Variants in ZNF99 observed in about 807,000 individuals in gnomAD.
ZNF99 encodes zinc finger protein ENSP00000375192.
In ZNF99, 8 loss-of-function variants were observed where a neutral mutation model predicts 12.8. That is an observed-to-expected ratio of 0.62 (90% CI 0.37 to 1.13). ZNF99 has a LOEUF of 1.13. Among genes scored for constraint, ZNF99 ranks in the 50% most tolerant of loss-of-function variants. The pLI is 0.02. For missense variants in ZNF99, 1,007 were observed against 1,006.2 expected (o/e 1.00, Z -0.01); for synonymous variants, 318 against 319.0 (o/e 1.00, Z 0.03).
chr19:22,769,623 C>T lies in ZNF99; in HGVS notation c.4-299G>A, dbSNP rs565866580. On this transcript the variant is annotated intron_variant, in intron 1 of 3. Transcript: ENST00000596209. ...TCTACTAAAAATACAAAAAATTAGC[C>T]GGCATGGTGGTGGGTGCCTGTAGCC... Among the ~76,000 whole-genome samples the T allele has an allele frequency of 5.8e-4, 88 of 151,738 alleles. 1 individual carries two copies. Among genetic ancestry groups the T allele is most frequent in the African/African-American group, 1.8e-3 (73 of 41,384 alleles).
Position 22,759,320 on chromosome 19 carries a change from T to C in ZNF99, c.589A>G (p.Arg197Gly), listed in dbSNP as rs765546580. The C allele has an allele frequency of 5.8e-6, 9 of 1,549,114 alleles. No homozygotes were observed. In the South Asian group the frequency reaches 9.5e-5, roughly 16 times the overall value. The part of the protein sequence containing the change: ...HLIQHKRIHT[R>G]ENIYKCEERG... ...TCTTCACATTTGTAGATATTCTCTC[T>C]AGTATGAATTCTCTTATGTTGAATT... Residue 197 changes from arginine to glycine, a missense_variant, in exon 4 of 4, where the codon AGA becomes GGA. Arg to Gly is a moderately radical substitution (Grantham distance 125). Transcript: ENST00000596209.
chr19:22,766,716 A>G (rs1973208302), intron 3 of ZNF99, among the ~76,000 whole-genome samples: 2 of 149,020 alleles, frequency 1.3e-5, no homozygotes, highest in Admixed American at 1.4e-4. Context: ...CAATGGCGCC[A>G]TCTCGGCTTA....
Position 22,758,929 on chromosome 19 carries a change from G to A in ZNF99, c.980C>T (p.Ala327Val). The A allele has an allele frequency of 6.2e-7, 1 of 1,613,192 alleles. No homozygotes were observed. The highest frequency in any genetic ancestry group is 8.5e-7 in the Non-Finnish European group (1 of 1,179,740). Residue 327 changes from alanine to valine, a missense_variant, in exon 4 of 4, where the codon GCC becomes GTC. Coordinates refer to ENST00000596209, the MANE Select transcript of ZNF99 (RefSeq NM_001080409.3). ...ECGKAFNHFS[A>V]LRKHQIIHTG... is the part of the protein sequence containing the mutation. ...ATGAATTATCTGATGTTTTCTAAGG[G>A]CTGAGAAATGGTTAAAAGCTTTGCC...
In ZNF99 at chr19:22,759,369, T is replaced by C. The variant is rs1973124210; in HGVS notation, c.540A>G (p.Lys180=). Residue 180 remains lysine (K), a synonymous_variant, in exon 4 of 4, where the codon AAA becomes AAG. Coordinates refer to ENST00000596209, the MANE Select transcript of ZNF99 (RefSeq NM_001080409.3). ...TTAAGTGTGAAAGCATGAAAAATGATTTGCTACATTTCATACATTTGAAAG... is the reference window on the plus strand; with the variant it reads ...TTAAGTGTGAAAGCATGAAAAATGACTTGCTACATTTCATACATTTGAAAG... ...KKTFKCMKCS[K]SFFMLSHLIQ... is the part of the protein sequence containing the mutation. 1.9e-6 allele frequency: 3 copies of C among 1,553,020 alleles called. No individual in the cohort carries two copies. Among genetic ancestry groups the C allele is most frequent in the Non-Finnish European group, 2.6e-6 (3 of 1,148,912 alleles).
chr19:22,784,100 CAG>C lies in ZNF99; in HGVS notation c.-86_-85del. On this transcript the variant is annotated 5_prime_UTR_variant, in exon 1 of 4. Coordinates refer to ENST00000596209, the MANE Select transcript of ZNF99 (RefSeq NM_001080409.3). ...CACAGGGCCACAGAGGCTAAGGACA[CAG>C]AGCAGTAAAAACGAGATCCGGAGCT... 1 of 1,524,466 alleles carries C rather than the reference CAG, an allele frequency of 6.6e-7. No individual in the cohort carries two copies. Among genetic ancestry groups the C allele is most frequent in the Non-Finnish European group, 9.0e-7 (1 of 1,108,576 alleles). 94.4% of individuals were successfully genotyped at this position (1,524,466 alleles called of 1,614,324 possible).
intron 3 of ZNF99, among the ~76,000 whole-genome samples, chr19:22,763,900 T>C (rs1973176015): frequency 7.0e-6 from 1 of 142,142 alleles, no homozygotes. Context: ...TTTTTTTTTC[T>C]TTCCTTTTTT....
In ZNF99 at chr19:22,755,575, T is replaced by G. The variant is rs1026688997; in HGVS notation, c.*1739A>C. Reference sequence around the variant, plus strand: ...TATGAATTATCTTATGTTCAGTAAGTTTTGAGAAGCAGTTAAAAGTTTTGC... The same window carrying G: ...TATGAATTATCTTATGTTCAGTAAGGTTTGAGAAGCAGTTAAAAGTTTTGC... On this transcript the variant is annotated 3_prime_UTR_variant, in exon 4 of 4. Transcript: ENST00000596209. 3.6e-6 allele frequency: 1 copy of G among 280,768 alleles called. No individual in the cohort carries two copies. Among genetic ancestry groups the G allele is most frequent in the Non-Finnish European group, 7.3e-6 (1 of 137,362 alleles). The allele number at this position is 280,768 out of a possible 1,614,324, so 17.4% of individuals were successfully genotyped here.
chr19:22,754,575 C>A lies in ZNF99; in HGVS notation c.*2739G>T, dbSNP rs554481557. ...ACTTTGTTACATTCTTCACATTTGT[C>A]GGGTTTCTCTTCAGTATGAATTATC... is the stretch of plus-strand genomic sequence containing the variant. On this transcript the variant is annotated 3_prime_UTR_variant, in exon 4 of 4. Coordinates refer to ENST00000596209, the MANE Select transcript of ZNF99 (RefSeq NM_001080409.3). 4.8e-6 allele frequency: 2 copies of A among 415,868 alleles called. No individual in the cohort carries two copies. The highest frequency in any genetic ancestry group is 3.0e-5 in the Admixed American group (1 of 33,160). The allele number at this position is 415,868 out of a possible 1,614,324, so 25.8% of individuals were successfully genotyped here.
In ZNF99 at chr19:22,754,143, G is replaced by A. The variant is rs1221569493; in HGVS notation, c.*3171C>T. 1 of 453,744 alleles carries A rather than the reference G, an allele frequency of 2.2e-6. No individual in the cohort carries two copies. The highest frequency in any genetic ancestry group is 2.0e-5 in the African/African-American group (1 of 49,914). The allele number at this position is 453,744 out of a possible 1,614,324, so 28.1% of individuals were successfully genotyped here. Reference sequence around the variant, plus strand: ...GCACTTTGGGAGGCCAAGGCGGGTGGATCACTTGAGGTCAGGAGTTCAAAA... The same window carrying A: ...GCACTTTGGGAGGCCAAGGCGGGTGAATCACTTGAGGTCAGGAGTTCAAAA... On this transcript the variant is annotated 3_prime_UTR_variant, in exon 4 of 4. Transcript: ENST00000596209.
chr19:22,782,341 T>G (rs1376640800), intron 1 of ZNF99, among the ~76,000 whole-genome samples: 1 of 151,014 alleles, frequency 6.6e-6, no homozygotes, highest in Non-Finnish European at 1.5e-5. Flanking sequence ...GTGGCTCTAG[T>G]GCCTGATATC....
chr19:22,759,752 C>G (rs1288341809), intron 3 of ZNF99, 70 bp from the exon 4 acceptor site: 1 of 1,195,476 alleles, frequency 8.4e-7, no homozygotes. Flanking sequence ...CAAATCTAAC[C>G]TATAAAATTA....
intron 3 of ZNF99, among the ~76,000 whole-genome samples, chr19:22,766,804 A>G (rs1973209311): frequency 6.6e-6 from 1 of 151,454 alleles, no homozygotes; most frequent in Non-Finnish European, 1.5e-5. Context: ...GGCATGCGCC[A>G]CCACGCCCGG....
chr19:22,753,266 A>G lies in ZNF99; in HGVS notation c.*4048T>C, dbSNP rs1972996416. The G allele has an allele frequency of 6.6e-6, 1 of 152,094 alleles. No homozygotes were observed. Among genetic ancestry groups the G allele is most frequent in the Non-Finnish European group, 1.5e-5 (1 of 67,974 alleles). The allele number at this position is 152,094 out of a possible 1,614,324, so 9.4% of individuals were successfully genotyped here. On this transcript the variant is annotated 3_prime_UTR_variant, in exon 4 of 4. Transcript: ENST00000596209. ...CTCCTCTTTTTTAAGTTATATGCAA[A>G]TAACTTATCTAAATTTTAGATTGAA...
At chr19:22,763,586 A>G (rs557947119) in intron 3 of ZNF99, among the ~76,000 whole-genome samples, 3 of 152,294 alleles carry the variant, frequency 2.0e-5, no homozygotes, top group Non-Finnish European at 2.9e-5. Context: ...TGCAATTTCC[A>G]TCAAAATACC....
At chr19:22,762,134 ACAGT>A (rs1973156626) in intron 3 of ZNF99, among the ~76,000 whole-genome samples, 1 of 152,072 alleles carries the variant, frequency 6.6e-6, no homozygotes, top group Admixed American at 6.5e-5. Flanking sequence ...AAAAATAGTC[ACAGT>A]CAGAGCAGAA....
intron 2 of ZNF99, 56 bp from the exon 3 acceptor site, chr19:22,768,456 C>T: frequency 7.0e-7 from 1 of 1,431,256 alleles, no homozygotes; most frequent in South Asian, 1.3e-5. Context: ...AAATAATGTG[C>T]TCATTAAAGA....
Position 22,755,237 on chromosome 19 carries a change from G to T in ZNF99, c.*2077C>A. 1 of 271,986 alleles carries T rather than the reference G, an allele frequency of 3.7e-6. No homozygotes were observed. Among genetic ancestry groups the T allele is most frequent in the East Asian group, 1.0e-4 (1 of 10,014 alleles). 16.8% of individuals were successfully genotyped at this position (271,986 alleles called of 1,614,324 possible). On this transcript the variant is annotated 3_prime_UTR_variant, in exon 4 of 4. Coordinates refer to ENST00000596209, the MANE Select transcript of ZNF99 (RefSeq NM_001080409.3). ...TTTTCTCCAGTACGAATTTTCTTAT[G>T]TCTAATAAAGTTTAACTGATTAAAA...
rs55638958 is a variant in ZNF99 at position 22,776,408 on chromosome 19, GATATATATATATATATAT to G, written c.4-7102_4-7085del. ...CATGAGCAAACTTTTTCCAAAATAA[GATATATATATATATATAT>G]ATATATATATATATATATATATATA... On this transcript the variant is annotated intron_variant, in intron 1 of 3. Transcript: ENST00000596209. Among the ~76,000 whole-genome samples the G allele has an allele frequency of 1.0e-3, 71 of 69,638 alleles. 1 individual carries two copies. The highest frequency in any genetic ancestry group is 1.1e-3 in the African/African-American group (22 of 20,214). 45.7% of individuals were successfully genotyped at this position (69,638 alleles called of 152,430 possible).
intron 1 of ZNF99, chr19:22,770,087 A>G: frequency 2.6e-6 from 3 of 1,134,744 alleles, no homozygotes; most frequent in Non-Finnish European, 3.4e-6. Context: ...GAGTTTCTGA[A>G]TTTGACAAGC....
Sources: gnomAD v4.1 joint callset for allele counts (sites outside exome capture counted in the v4.1 genomes callset) on GRCh38, gnomAD v4.1.1 for gene constraint, MANE v1.5 for transcripts, NCBI Gene and HGNC (gene_info 2026-07-23, HGNC 2026-07-21) for gene names.